Variants in HINT1 observed in about 807,000 individuals in gnomAD.
HINT1 encodes the protein histidine triad nucleotide binding protein 1.
Under a neutral mutation model 11.2 loss-of-function variants are expected in HINT1, and 12 were observed. The ratio of observed to expected loss-of-function variants is 1.07; its 90% CI spans 0.69 to 1.74. The LOEUF is 1.74. Among genes scored for constraint, HINT1 ranks in the 40% most tolerant of loss-of-function variants. HINT1 has a pLI of 0.00. For missense variants in HINT1, 150 were observed against 161.8 expected, an observed-to-expected ratio of 0.93 and a Z score of 0.40; for synonymous variants, 42 against 52.6, an observed-to-expected ratio of 0.80 and a Z score of 0.87.
chr5:131,160,019 T>G (rs1313903764), intron 2 of HINT1, among the ~76,000 whole-genome samples: 1 of 152,158 alleles, frequency 6.6e-6, no homozygotes, highest in East Asian at 1.9e-4. Context: ...ACCCGGCTAA[T>G]TTTTGTATTT....
chr5:131,159,718 C>G, intron 2 of HINT1, 107 bp from the exon 3 acceptor site: 4 of 1,037,224 alleles, frequency 3.9e-6, no homozygotes, highest in Non-Finnish European at 4.2e-6. Context: ...CTCATTGAAA[C>G]ACAACCCTTT....
In HINT1 at chr5:131,160,779, G is replaced by A. The variant is rs531571127; in HGVS notation, c.217-1168C>T. The stretch of plus-strand genomic sequence containing the variant: ...ATGCATTCAGGAGAAACCATACTTC[G>A]AATTCTGATCCTTTTCCAGACTGGT... On this transcript the variant is annotated intron_variant, in intron 2 of 2. Transcript: ENST00000304043. 1.2e-3 allele frequency: 702 copies of A among 586,216 alleles called. 5 individuals carry two copies. In the African/African-American group the frequency reaches 0.012, roughly 10 times the overall value. The allele number at this position is 586,216 out of a possible 1,614,324, so 36.3% of individuals were successfully genotyped here.
chr5:131,162,515 A>G, intron 2 of HINT1, 57 bp downstream of exon 2: 2 of 1,608,148 alleles, frequency 1.2e-6, no homozygotes, highest in Non-Finnish European at 1.7e-6. Context: ...TTTAAGGACA[A>G]AATTAATCTC....
intron 1 of HINT1, among the ~76,000 whole-genome samples, chr5:131,163,655 T>C (rs1755313404): frequency 1.3e-5 from 2 of 152,196 alleles, no homozygotes; most frequent in Non-Finnish European, 2.9e-5. Context: ...GATTAATATC[T>C]ATTCTCACTT....
Position 131,159,355 on chromosome 5 carries a change from A to G in HINT1, c.*92T>C. On this transcript the variant is annotated 3_prime_UTR_variant, in exon 3 of 3. Coordinates refer to ENST00000304043, the MANE Select transcript of HINT1 (RefSeq NM_005340.7). ...AAAATTATTTCTTGAATCTCTCCAT[A>G]CACAGGCAAAAATAAGTGTGTTACT... The G allele has an allele frequency of 8.7e-7, 1 of 1,147,962 alleles. No homozygotes were observed. Among genetic ancestry groups the G allele is most frequent in the South Asian group, 1.5e-5 (1 of 68,574 alleles). 71.1% of individuals were successfully genotyped at this position (1,147,962 alleles called of 1,614,324 possible).
Position 131,159,415 on chromosome 5 carries a change from C to A in HINT1, c.*32G>T. 1 of 1,602,654 alleles carries A rather than the reference C, an allele frequency of 6.2e-7. No individual in the cohort carries two copies. The highest frequency in any genetic ancestry group is 8.5e-7 in the Non-Finnish European group (1 of 1,174,262). On this transcript the variant is annotated 3_prime_UTR_variant, in exon 3 of 3. Coordinates refer to ENST00000304043, the MANE Select transcript of HINT1 (RefSeq NM_005340.7). ...GGAAATTGCCTAACTTAATCATTGC[C>A]TAAAGAAGAGAAAATTATCCCCAAA... is the stretch of plus-strand genomic sequence containing the variant.
chr5:131,159,489 G>A lies in HINT1; in HGVS notation c.339C>T (p.Leu113=). The A allele has an allele frequency of 6.2e-7, 1 of 1,613,154 alleles. No individual in the cohort carries two copies. The highest frequency in any genetic ancestry group is 8.5e-7 in the Non-Finnish European group (1 of 1,179,910). Residue 113 remains leucine (L), a synonymous_variant, in exon 3 of 3, where the codon CTC becomes CTT. Transcript: ENST00000304043. ...DGGQSVYHVH[L]HVLGGRQMHW... ...GCATTTGCCGACCTCCAAGAACATG[G>A]AGATGAACGTGATAGACAGACTGTC...
chr5:131,165,104 C>G lies in HINT1; in HGVS notation c.102G>C (p.Glu34Asp). The G allele has an allele frequency of 6.2e-7, 1 of 1,613,702 alleles. No individual in the cohort carries two copies. Among genetic ancestry groups the G allele is most frequent in the Non-Finnish European group, 8.5e-7 (1 of 1,179,882 alleles). The change falls in exon 1 of 3, where the codon GAG becomes GAC. Residue 34 changes from glutamate to aspartate, a missense_variant. Physicochemically the swap from Glu to Asp is conservative, Grantham distance 45. Coordinates refer to ENST00000304043, the MANE Select transcript of HINT1 (RefSeq NM_005340.7). ...RKEIPAKIIF[E>D]DDRCLAFHDI... ...GGTGCCCAGTACCTACCCGGTCATC[C>G]TCAAAAATGATTTTGGCTGGTATTT...
chr5:131,161,062 G>A (rs935138161), intron 2 of HINT1, among the ~76,000 whole-genome samples: 2 of 152,132 alleles, frequency 1.3e-5, no homozygotes, highest in African/African-American at 2.4e-5. Context: ...ATAAAATTTT[G>A]TACAGCAGAT....
At chr5:131,161,375 G>C (rs748148762) in intron 2 of HINT1, among the ~76,000 whole-genome samples, 1 of 151,972 alleles carries the variant, frequency 6.6e-6, no homozygotes, top group Non-Finnish European at 1.5e-5. Flanking sequence ...AGGCTGAGGC[G>C]GGTGGATCAC....
chr5:131,164,961 C>G, intron 1 of HINT1, 134 bp downstream of exon 1: 1 of 1,332,574 alleles, frequency 7.5e-7, no homozygotes, highest in Non-Finnish European at 1.0e-6. Context: ...GCTGGGGGCC[C>G]GCTGGACCAG....
chr5:131,159,901 G>A (rs757393508), intron 2 of HINT1, among the ~76,000 whole-genome samples: 13 of 151,692 alleles, frequency 8.6e-5, no homozygotes, highest in Non-Finnish European at 1.6e-4. Context: ...ACTCAGACTG[G>A]AGTGCAGTGG....
In HINT1 at chr5:131,159,233, T is replaced by A; in HGVS notation, c.*214A>T. On this transcript the variant is annotated 3_prime_UTR_variant, in exon 3 of 3. Coordinates refer to ENST00000304043, the MANE Select transcript of HINT1 (RefSeq NM_005340.7). ...CCAAAATTATAAACCCACCTTCACA[T>A]ATTCCAACAAATATGTTTTTAAAAT... 1 of 445,324 alleles carries A rather than the reference T, an allele frequency of 2.2e-6. No individual in the cohort carries two copies. Among genetic ancestry groups the A allele is most frequent in the Non-Finnish European group, 4.0e-6 (1 of 249,744 alleles). 27.6% of individuals were successfully genotyped at this position (445,324 alleles called of 1,614,324 possible).
chr5:131,165,064 G>A lies in HINT1; in HGVS notation c.111+31C>T, dbSNP rs539829608. The A allele has an allele frequency of 3.1e-6, 5 of 1,613,138 alleles. No homozygotes were observed. In the East Asian group the frequency reaches 1.1e-4, roughly 36 times the overall value. ...GGATCCGCGGACGATACCCACCTCA[G>A]CAGGCGAGAGAGGTGGTGCCCAGTA... On this transcript the variant is annotated intron_variant, in intron 1 of 2. Coordinates refer to ENST00000304043, the MANE Select transcript of HINT1 (RefSeq NM_005340.7).
chr5:131,160,764 G>A (rs1447039373), intron 2 of HINT1: 2 of 698,004 alleles, frequency 2.9e-6, no homozygotes, highest in Non-Finnish European at 4.4e-6. Flanking sequence ...ATGCATTCAG[G>A]AGAAACCATA....
At chr5:131,159,654 A>C in intron 2 of HINT1, 43 bp from the exon 3 acceptor site, 2 of 1,554,002 alleles carry the variant, frequency 1.3e-6, no homozygotes, top group Non-Finnish European at 1.8e-6. Context: ...GCAATTTATT[A>C]CTTCTTGCCA....
At chr5:131,164,480 A>T (rs1403030713) in intron 1 of HINT1, among the ~76,000 whole-genome samples, 1 of 152,226 alleles carries the variant, frequency 6.6e-6, no homozygotes, top group Admixed American at 6.5e-5. Flanking sequence ...TCGCTAGCCC[A>T]GGGTAGGCCT....
intron 1 of HINT1, among the ~76,000 whole-genome samples, chr5:131,164,663 G>T (rs1755345711): frequency 6.6e-6 from 1 of 152,190 alleles, no homozygotes; most frequent in Non-Finnish European, 1.5e-5. Context: ...GGCTGTGCGC[G>T]GGAGATCGCG....
intron 2 of HINT1, among the ~76,000 whole-genome samples, chr5:131,160,323 G>C (rs773846649): frequency 4.6e-5 from 7 of 152,006 alleles, no homozygotes; most frequent in Non-Finnish European, 1.0e-4. Flanking sequence ...ACCTAGTCTC[G>C]CTCTGTGTCA....
Sources: gnomAD v4.1 joint callset for allele counts (sites outside exome capture counted in the v4.1 genomes callset) on GRCh38, gnomAD v4.1.1 for gene constraint, MANE v1.5 for transcripts, NCBI Gene and HGNC (gene_info 2026-07-23, HGNC 2026-07-21) for gene names.